The following DCC variants were observed in gnomAD, a reference collection of about 807,000 sequenced individuals.
The protein encoded by DCC is netrin receptor DCC.
A neutral mutation model predicts 172.5 loss-of-function variants in DCC; 58 were observed. The ratio of observed to expected loss-of-function variants is 0.34; its 90% CI spans 0.27 to 0.42. The LOEUF (loss-of-function observed/expected upper bound fraction) is 0.42. Ranked by LOEUF, DCC falls within the 10% of genes least tolerant of loss-of-function variation. DCC has a pLI of 1.00. For synonymous variants in DCC, 709 were observed against 644.5 expected (o/e 1.10, Z -1.52); for missense variants, 1,740 against 1,791.0 (o/e 0.97, Z 0.51).
At chr18:52,676,601 A>G (rs1055375693) in intron 1 of DCC, among the ~76,000 whole-genome samples, 3 of 152,154 alleles carry the variant, frequency 2.0e-5, no homozygotes, top group Non-Finnish European at 4.4e-5. Context: ...ATATATAATT[A>G]TTTCCTTAAC....
At chr18:53,490,301 T>C (rs1300455112) in intron 26 of DCC, among the ~76,000 whole-genome samples, 1 of 152,164 alleles carries the variant, frequency 6.6e-6, no homozygotes, top group African/African-American at 2.4e-5. Flanking sequence ...AATGAGTGAA[T>C]TGGGTTTCTA....
intron 2 of DCC, among the ~76,000 whole-genome samples, chr18:52,804,436 T>C (rs1362515426): frequency 3.9e-5 from 6 of 152,222 alleles, no homozygotes; most frequent in Admixed American, 6.5e-5. Flanking sequence ...TTCATCTACA[T>C]TGTATCGTTG....
intron 1 of DCC, among the ~76,000 whole-genome samples, chr18:52,414,864 A>T (rs1986965402): frequency 6.6e-6 from 1 of 152,230 alleles, no homozygotes; most frequent in South Asian, 2.1e-4. Flanking sequence ...CCTCTAACAC[A>T]ATCTTGTACT....
At chr18:52,960,273 A>G (rs2040821706) in intron 5 of DCC, among the ~76,000 whole-genome samples, 1 of 152,148 alleles carries the variant, frequency 6.6e-6, no homozygotes, top group African/African-American at 2.4e-5. Flanking sequence ...ATATCCCTGA[A>G]GGATTTTCCT....
At chr18:53,183,097 T>C (rs940280703) in intron 9 of DCC, among the ~76,000 whole-genome samples, 1 of 152,158 alleles carries the variant, frequency 6.6e-6, no homozygotes, top group African/African-American at 2.4e-5. Context: ...GTATACAAAT[T>C]GAATTTCAAG....
chr18:52,833,780 C>T (rs192797803), intron 2 of DCC, among the ~76,000 whole-genome samples: 1 of 152,268 alleles, frequency 6.6e-6, no homozygotes, highest in Admixed American at 6.5e-5. Flanking sequence ...CCTGCCTCAG[C>T]CTCCCAAGTA....
intron 2 of DCC, among the ~76,000 whole-genome samples, chr18:52,803,931 G>C (rs1042623888): frequency 6.6e-6 from 1 of 152,150 alleles, no homozygotes; most frequent in Non-Finnish European, 1.5e-5. Context: ...ATGTGATGAC[G>C]TTTTGCTGGG....
intron 1 of DCC, among the ~76,000 whole-genome samples, chr18:52,389,038 A>G (rs1281151801): frequency 6.6e-6 from 1 of 152,066 alleles, no homozygotes; most frequent in Non-Finnish European, 1.5e-5. Flanking sequence ...CCCAGTGTGT[A>G]TGGGGAAGAA....
At chr18:53,185,132 A>T (rs1328652430) in intron 9 of DCC, among the ~76,000 whole-genome samples, 1 of 152,182 alleles carries the variant, frequency 6.6e-6, no homozygotes, top group African/African-American at 2.4e-5. Flanking sequence ...ATGTAAAAAA[A>T]TGTTTTCAGG....
At chr18:53,377,756 A>G (rs1907413087) in intron 15 of DCC, among the ~76,000 whole-genome samples, 2 of 152,220 alleles carry the variant, frequency 1.3e-5, no homozygotes, top group African/African-American at 4.8e-5. Flanking sequence ...TATTAGGAAA[A>G]AGAGAATGAG....
rs143532531 is a variant in DCC at position 53,348,661 on chromosome 18, G to T, written c.2359+8754G>T. Among the ~76,000 whole-genome samples, 1,308 of 152,224 alleles carry T rather than the reference G, an allele frequency of 8.6e-3. 54 individuals are homozygous for T. In the East Asian group the frequency reaches 0.089, roughly 10 times the overall value. ...CAGAAACTTCTGCCTGGACATCCAG[G>T]TTCCCAAACCCCAATTCTTGACTTC... On this transcript the variant is annotated intron_variant, in intron 15 of 28. Transcript: ENST00000442544.
intron 18 of DCC, among the ~76,000 whole-genome samples, chr18:53,398,818 T>C (rs1288104034): frequency 1.3e-5 from 2 of 152,096 alleles, no homozygotes; most frequent in Non-Finnish European, 2.9e-5. Flanking sequence ...ATGTGGTTAG[T>C]AGAAAAGGTA....
chr18:53,178,905 T>C (rs1422179449), intron 8 of DCC, 57 bp from the exon 9 acceptor site: 1 of 1,599,182 alleles, frequency 6.3e-7, no homozygotes, highest in African/African-American at 1.3e-5. Flanking sequence ...CAAATACAGA[T>C]TTTGGCTGAA....
chr18:52,684,340 C>T (rs76218133), intron 1 of DCC, among the ~76,000 whole-genome samples: 3,695 of 151,470 alleles, frequency 0.024, 61 homozygotes, highest in Middle Eastern at 0.038. Flanking sequence ...ATTTTTCCCA[C>T]AATTAAAATC....
intron 1 of DCC, among the ~76,000 whole-genome samples, chr18:52,526,384 T>A (rs577306935): frequency 6.6e-6 from 1 of 152,158 alleles, no homozygotes; most frequent in South Asian, 2.1e-4. Context: ...CAGCCCCTGA[T>A]ATATAGGCAA....
At chr18:52,424,220 T>A (rs902488100) in intron 1 of DCC, among the ~76,000 whole-genome samples, 5 of 152,182 alleles carry the variant, frequency 3.3e-5, no homozygotes, top group African/African-American at 1.2e-4. Flanking sequence ...TCACTGTGTA[T>A]CAGGTAGTAT....
intron 5 of DCC, among the ~76,000 whole-genome samples, chr18:53,022,539 A>ATGTG (rs147745217): frequency 0.08 from 9,398 of 117,644 alleles, 551 homozygotes; most frequent in East Asian, 0.22. Context: ...TTATATATAT[A>ATGTG]TGTGCGTGTG....
At chr18:53,382,240 A>T (rs1295948935) in intron 15 of DCC, among the ~76,000 whole-genome samples, 2 of 152,100 alleles carry the variant, frequency 1.3e-5, no homozygotes, top group African/African-American at 4.8e-5. Context: ...GCAATTTTAA[A>T]TGGCTCAAGC....
At chr18:52,801,543 C>T (rs1052671140) in intron 2 of DCC, among the ~76,000 whole-genome samples, 1 of 152,044 alleles carries the variant, frequency 6.6e-6, no homozygotes, top group African/African-American at 2.4e-5. Context: ...GCAGAAAATG[C>T]AAGACAAAAT....
Sources: allele counts gnomAD v4.1 joint callset (sites outside exome capture counted in the v4.1 genomes callset), GRCh38; gene constraint gnomAD v4.1.1; transcripts MANE v1.5; gene names NCBI Gene and HGNC (gene_info 2026-07-23, HGNC 2026-07-21).